Variants in MTAP observed in about 807,000 individuals in gnomAD.
The protein encoded by MTAP is S-methyl-5'-thioadenosine phosphorylase.
In MTAP, 33 loss-of-function variants were observed where a neutral mutation model predicts 33.6. The observed-to-expected ratio is 0.98, with a 90% CI of 0.74 to 1.31. The LOEUF is 1.31. MTAP is among the 40% of genes most tolerant of loss of function. The pLI is 0.00. For missense variants in MTAP, 367 were observed against 360.0 expected (o/e 1.02, Z -0.16); for synonymous variants, 148 against 125.7 (o/e 1.18, Z -1.19).
At chr9:21,920,830 G>T (rs1386860550) in intron 1 of MTAP, among the ~76,000 whole-genome samples, 1 of 152,128 alleles carries the variant, frequency 6.6e-6, no homozygotes, top group Non-Finnish European at 1.5e-5. Flanking sequence ...GCATTTTGTT[G>T]AGGATTTTTA....
At position 21,802,848 on chromosome 9, in the gene MTAP, G is replaced by T. The variant is rs567043954; in HGVS notation, c.33+67G>T. 8.9e-5 allele frequency: 142 copies of T among 1,596,230 alleles called. 1 individual carries two copies. In the South Asian group the frequency reaches 1.5e-3, roughly 17 times the overall value. Reference sequence around the variant, plus strand: ...ATGCCTTCTCGCCCCCGCGCCGGGGGACCGCGCCTCCGGGGGCCATGCGCC... The same window carrying T: ...ATGCCTTCTCGCCCCCGCGCCGGGGTACCGCGCCTCCGGGGGCCATGCGCC... On this transcript the variant is annotated intron_variant, in intron 1 of 7. Transcript: ENST00000644715.
chr9:21,863,734 C>G lies in MTAP; in HGVS notation c.*1720C>G. ...CACTGTAGGCTATTACAGGATACTTCAGGATCAAGATACAGAACCTTTTAT... is the reference window on the plus strand; with the variant it reads ...CACTGTAGGCTATTACAGGATACTTGAGGATCAAGATACAGAACCTTTTAT... On this transcript the variant is annotated 3_prime_UTR_variant, in exon 8 of 8. Coordinates refer to ENST00000644715, the MANE Select transcript of MTAP (RefSeq NM_002451.4). 1.0e-6 allele frequency: 1 copy of G among 985,702 alleles called. No individual in the cohort carries two copies. The highest frequency in any genetic ancestry group is 1.2e-6 in the Non-Finnish European group (1 of 829,906). The allele number at this position is 985,702 out of a possible 1,614,324, so 61.1% of individuals were successfully genotyped here.
chr9:21,831,219 C>T (rs1824958676), intron 4 of MTAP, among the ~76,000 whole-genome samples: 1 of 152,186 alleles, frequency 6.6e-6, no homozygotes. Flanking sequence ...TACAGTTGCT[C>T]TTCTTTCTCT....
chr9:21,900,459 C>G (rs185360522), intron 1 of MTAP, among the ~76,000 whole-genome samples: 33 of 152,242 alleles, frequency 2.2e-4, no homozygotes, highest in Admixed American at 2.0e-3. Flanking sequence ...ATCAAAGCCA[C>G]AATGAAATAC....
At chr9:21,940,046 C>T (rs1282820724), downstream of MTAP, among the ~76,000 whole-genome samples, 3 of 152,028 alleles carry the variant, frequency 2.0e-5, no homozygotes, top group Admixed American at 6.6e-5. Context: ...TTTGGGAGGC[C>T]GAGGCAGGTG....
At chr9:21,861,933 T>C (rs1825763323) in intron 7 of MTAP, 43 bp from the exon 8 acceptor site, 1 of 1,127,582 alleles carries the variant, frequency 8.9e-7, no homozygotes, top group Non-Finnish European at 1.3e-6. Context: ...TCTCAGTAAT[T>C]ACGCCAACAT....
At chr9:21,853,679 C>A (rs926544144) in intron 5 of MTAP, among the ~76,000 whole-genome samples, 2 of 152,156 alleles carry the variant, frequency 1.3e-5, no homozygotes, top group Admixed American at 6.5e-5. Flanking sequence ...TGTTAGAAGA[C>A]CAGCTTAGTG....
chr9:21,858,608 A>G (rs1563849522), intron 6 of MTAP, among the ~76,000 whole-genome samples: 1 of 152,166 alleles, frequency 6.6e-6, no homozygotes, highest in Non-Finnish European at 1.5e-5. Flanking sequence ...GCACCTGAGG[A>G]TGCTGCTAAA....
intron 1 of MTAP, among the ~76,000 whole-genome samples, chr9:21,914,642 TG>T (rs1818643636): frequency 3.8e-5 from 1 of 26,360 alleles, no homozygotes; most frequent in Non-Finnish European, 7.4e-5. Context: ...GGGGTGGGGG[TG>T]GGGGGAGGGT....
chr9:21,803,659 G>A (rs1302935505), intron 1 of MTAP, among the ~76,000 whole-genome samples: 1 of 152,126 alleles, frequency 6.6e-6, no homozygotes, highest in Non-Finnish European at 1.5e-5. Flanking sequence ...GAGAATTACA[G>A]CACGTAAAGA....
intron 1 of MTAP, among the ~76,000 whole-genome samples, chr9:21,875,617 C>T (rs1825995688): frequency 6.6e-6 from 1 of 152,072 alleles, no homozygotes; most frequent in African/African-American, 2.4e-5. Context: ...TCATCTAGCT[C>T]CCACTTATAA....
At chr9:21,861,671 G>C (rs1489330712) in intron 7 of MTAP, 1 of 381,882 alleles carries the variant, frequency 2.6e-6, no homozygotes, top group African/African-American at 2.1e-5. Flanking sequence ...AGGGATAGAG[G>C]TTGCATAAAC....
intron 1 of MTAP, among the ~76,000 whole-genome samples, chr9:21,889,293 A>G (rs4607704): frequency 0.43 from 65,712 of 151,756 alleles, 16,669 homozygotes; most frequent in African/African-American, 0.67. Flanking sequence ...TCCATATCCT[A>G]TTTTATTCTT....
intron 4 of MTAP, 102 bp downstream of exon 4, chr9:21,818,304 A>G (rs1354556671): frequency 1.8e-5 from 10 of 567,028 alleles, no homozygotes; most frequent in Non-Finnish European, 3.0e-5. Flanking sequence ...GGGCAGTGCC[A>G]CAGACTCGCT....
chr9:21,878,562 A>T (rs945463884), intron 1 of MTAP, among the ~76,000 whole-genome samples: 5 of 152,110 alleles, frequency 3.3e-5, no homozygotes, highest in African/African-American at 1.2e-4. Context: ...GGGATTCACC[A>T]TGTTTCCCAG....
chr9:21,885,439 T>A (rs1052316077), intron 1 of MTAP, among the ~76,000 whole-genome samples: 2 of 152,138 alleles, frequency 1.3e-5, no homozygotes, highest in African/African-American at 2.4e-5. Context: ...CATTTTTTTT[T>A]ATTTCAATAG....
chr9:21,840,773 G>A (rs1055168453), intron 5 of MTAP, among the ~76,000 whole-genome samples: 2 of 152,214 alleles, frequency 1.3e-5, no homozygotes, highest in South Asian at 2.1e-4. Flanking sequence ...GGACTAATGG[G>A]AGCCGCAGCA....
At chr9:21,831,850 G>A (rs971707117) in intron 4 of MTAP, among the ~76,000 whole-genome samples, 8 of 152,018 alleles carry the variant, frequency 5.3e-5, no homozygotes, top group Middle Eastern at 3.4e-3. Flanking sequence ...AGCAGAGTGT[G>A]ATTCCCGGTG....
chr9:21,805,926 G>T (rs1231417127), intron 1 of MTAP, among the ~76,000 whole-genome samples: 1 of 152,174 alleles, frequency 6.6e-6, no homozygotes, highest in Admixed American at 6.5e-5. Flanking sequence ...GGAGAGAGAT[G>T]GGGGTAGGAG....
Sources: gnomAD v4.1 joint callset for allele counts (sites outside exome capture counted in the v4.1 genomes callset) on GRCh38, gnomAD v4.1.1 for gene constraint, MANE v1.5 for transcripts, NCBI Gene and HGNC (gene_info 2026-07-23, HGNC 2026-07-21) for gene names.